The following PLEKHA7 variants were observed in gnomAD, a reference collection of about 807,000 sequenced individuals.
The protein encoded by PLEKHA7 is pleckstrin homology domain containing A7, also known as pleckstrin homology domain-containing family A member 7.
A neutral mutation model predicts 170.0 loss-of-function variants in PLEKHA7; 104 were observed. The ratio of observed to expected loss-of-function variants is 0.61; its 90% CI spans 0.52 to 0.72. The LOEUF (loss-of-function observed/expected upper bound fraction) is 0.72. PLEKHA7 is among the 30% of genes least tolerant of loss of function. The pLI, the probability that PLEKHA7 is intolerant of heterozygous loss-of-function variation, is 0.00. For missense variants in PLEKHA7, 1,615 were observed against 1,671.7 expected (o/e 0.97, Z 0.59); for synonymous variants, 648 against 660.8 (o/e 0.98, Z 0.30).
At position 16,789,686 on chromosome 11, in the gene PLEKHA7, G is replaced by A; in HGVS notation, c.3156+89C>T. On this transcript the variant is annotated intron_variant, in intron 22 of 26. Transcript: ENST00000531066. The surrounding 1 kb of genome is among the most constrained non-coding windows in gnomAD (Gnocchi z 4.6). ...CACCCCAGAGGCCATCCCCAGGGCT[G>A]AAGGGATGGCCAGTTACTGTCCCCC... The A allele has an allele frequency of 8.3e-7, 1 of 1,202,858 alleles. No homozygotes were observed. The highest frequency in any genetic ancestry group is 1.2e-6 in the Non-Finnish European group (1 of 837,040). The allele number at this position is 1,202,858 out of a possible 1,614,324, so 74.5% of individuals were successfully genotyped here. A position where few individuals can be genotyped will look rare whatever the true frequency, so the allele number is the denominator to read the frequency against.
At chr11:16,957,941 GATC>G in intron 3 of PLEKHA7, among the ~76,000 whole-genome samples, 1 of 151,864 alleles carries the variant, frequency 6.6e-6, no homozygotes, top group Admixed American at 6.5e-5. Context: ...CTGACCTCGT[GATC>G]GGCCCACCTC....
At chr11:16,947,062 G>T (rs1455752149) in intron 3 of PLEKHA7, among the ~76,000 whole-genome samples, 1 of 152,256 alleles carries the variant, frequency 6.6e-6, no homozygotes, top group East Asian at 1.9e-4. Context: ...GGCCCCACAG[G>T]ACCTGGCATT....
At chr11:16,968,895 G>GC (rs902517553) in intron 3 of PLEKHA7, among the ~76,000 whole-genome samples, 13 of 152,230 alleles carry the variant, frequency 8.5e-5, no homozygotes, top group African/African-American at 2.9e-4. Flanking sequence ...TCTCTAATAT[G>GC]CCCCCCATAC....
chr11:16,895,619 GTC>G (rs1238209299), intron 3 of PLEKHA7, among the ~76,000 whole-genome samples: 4 of 152,220 alleles, frequency 2.6e-5, no homozygotes, highest in African/African-American at 7.2e-5. Flanking sequence ...TTCCTCAAGT[GTC>G]TATTAATCAG....
chr11:16,851,100 C>T (rs530674771), intron 8 of PLEKHA7, 91 bp downstream of exon 8: 1 of 963,786 alleles, frequency 1.0e-6, no homozygotes, highest in South Asian at 2.2e-5. Flanking sequence ...GCTTCTTCCC[C>T]CTCCCGACAA....
intron 10 of PLEKHA7, among the ~76,000 whole-genome samples, chr11:16,819,655 G>A (rs1229496850): frequency 6.6e-6 from 1 of 152,174 alleles, no homozygotes; most frequent in Non-Finnish European, 1.5e-5. Context: ...CACCACCTGG[G>A]GACTTGTTAG....
At chr11:17,007,043 G>A (rs1033089046) in intron 3 of PLEKHA7, among the ~76,000 whole-genome samples, 11 of 152,150 alleles carry the variant, frequency 7.2e-5, no homozygotes, top group East Asian at 1.9e-4. Context: ...TCCCTGCCTC[G>A]GAGGACCAGG....
intron 3 of PLEKHA7, among the ~76,000 whole-genome samples, chr11:16,946,346 AC>A (rs1017453583): frequency 2.0e-5 from 3 of 151,992 alleles, no homozygotes; most frequent in African/African-American, 7.3e-5. Flanking sequence ...ACCCACCAGA[AC>A]CCTCAACCCT....
At chr11:16,803,600 G>A (rs888933317) in intron 13 of PLEKHA7, 23 of 338,370 alleles carry the variant, frequency 6.8e-5, no homozygotes, top group African/African-American at 4.7e-4. Flanking sequence ...AAATGAATGT[G>A]AAAAATCAGC....
intron 13 of PLEKHA7, among the ~76,000 whole-genome samples, chr11:16,810,744 A>G (rs1849315005): frequency 6.6e-6 from 1 of 152,220 alleles, no homozygotes; most frequent in Non-Finnish European, 1.5e-5. Flanking sequence ...ATAACAATCC[A>G]AGCTCAGCTC....
At chr11:16,989,057 A>T (rs538156808) in intron 3 of PLEKHA7, among the ~76,000 whole-genome samples, 9 of 152,320 alleles carry the variant, frequency 5.9e-5, no homozygotes, top group African/African-American at 2.2e-4. Flanking sequence ...TGACCCATGA[A>T]TGCGCCCCAG....
chr11:16,802,624 T>C (rs1480951708), intron 15 of PLEKHA7, among the ~76,000 whole-genome samples: 1 of 152,102 alleles, frequency 6.6e-6, no homozygotes, highest in East Asian at 1.9e-4. Context: ...CTCGGCTCAC[T>C]GCAACCTCTG....
chr11:16,967,530 G>A (rs965851870), intron 3 of PLEKHA7, among the ~76,000 whole-genome samples: 2 of 152,342 alleles, frequency 1.3e-5, no homozygotes, highest in East Asian at 3.9e-4. Flanking sequence ...AATGCCATGA[G>A]GCCCTCCATT....
At chr11:16,914,759 T>C (rs1858511633) in intron 3 of PLEKHA7, among the ~76,000 whole-genome samples, 2 of 152,322 alleles carry the variant, frequency 1.3e-5, no homozygotes, top group Admixed American at 1.3e-4. Context: ...CTCTGCAACA[T>C]GGGAATCATT....
intron 3 of PLEKHA7, among the ~76,000 whole-genome samples, chr11:16,957,622 G>A (rs1861773995): frequency 6.6e-6 from 1 of 151,424 alleles, no homozygotes; most frequent in Non-Finnish European, 1.5e-5. Context: ...CCATGAATGT[G>A]GTGAACACCA....
At position 16,789,247 on chromosome 11, in the gene PLEKHA7, C is replaced by T. The variant is rs1231639607; in HGVS notation, c.3206G>A (p.Gly1069Asp). ...CAGCTGCTCCTCTGCACTCATCTTG[C>T]CTCGCTGGTGATCCCCTGAGTACAG... ...ERLYSGDHQR[G>D]KMSAEEQLER... The change falls in exon 23 of 27, where the codon GGC (glycine) becomes GAC (aspartate). Residue 1069 changes from glycine (G) to aspartate (D), a missense_variant. Transcript: ENST00000531066. The surrounding 1 kb of genome is among the most constrained non-coding windows in gnomAD (Gnocchi z 4.6). 2 of 1,613,754 alleles carry T rather than the reference C, an allele frequency of 1.2e-6. No homozygotes were observed. The highest frequency in any genetic ancestry group is 2.2e-5 in the South Asian group (2 of 91,082).
intron 3 of PLEKHA7, among the ~76,000 whole-genome samples, chr11:16,914,199 G>A (rs568405586): frequency 2.0e-5 from 3 of 152,146 alleles, no homozygotes; most frequent in South Asian, 4.2e-4. Flanking sequence ...TTACCAAAAC[G>A]TTAGCAGTAA....
chr11:16,846,692 A>G (rs1852435635), intron 8 of PLEKHA7, among the ~76,000 whole-genome samples: 1 of 152,184 alleles, frequency 6.6e-6, no homozygotes, highest in Non-Finnish European at 1.5e-5. Context: ...AGCATTCTGG[A>G]AACTTTAAGA....
intron 4 of PLEKHA7, among the ~76,000 whole-genome samples, chr11:16,869,909 A>G (rs2135648062): frequency 6.6e-6 from 1 of 152,344 alleles, no homozygotes; most frequent in South Asian, 2.1e-4. Flanking sequence ...TTTGAAGAAG[A>G]AAAAAACCTT....
Sources: gnomAD v4.1 joint callset for allele counts (sites outside exome capture counted in the v4.1 genomes callset) on GRCh38, gnomAD v4.1.1 for gene constraint, Gnocchi (gnomAD v3.1) non-coding constraint, MANE v1.5 for transcripts, NCBI Gene and HGNC (gene_info 2026-07-23, HGNC 2026-07-21) for gene names.